Variants in SLC4A8 observed in about 807,000 individuals in gnomAD.
SLC4A8 encodes solute carrier family 4 member 8.
Under a neutral mutation model 125.0 loss-of-function variants are expected in SLC4A8, and 40 were observed. The observed-to-expected ratio is 0.32, with a 90% CI of 0.25 to 0.42. The LOEUF is 0.42. Among genes scored for constraint, SLC4A8 ranks in the 10% least tolerant of loss-of-function variants. The pLI, the probability that SLC4A8 is intolerant of heterozygous loss-of-function variation, is 1.00. For synonymous variants in SLC4A8, 456 were observed against 476.0 expected (o/e 0.96, Z 0.55); for missense variants, 863 against 1,355.1 (o/e 0.64, Z 5.70).
rs781512173 is a variant in SLC4A8 at position 51,503,997 on chromosome 12, C to G, written c.3082-32C>G. 5 of 1,309,702 alleles carry G rather than the reference C, an allele frequency of 3.8e-6. No individual in the cohort carries two copies. The South Asian group carries it at 3.8e-5, about 10-fold the overall frequency. The allele number at this position is 1,309,702 out of a possible 1,614,324, so 81.1% of individuals were successfully genotyped here. A position where few individuals can be genotyped will look rare whatever the true frequency, so the allele number is the denominator to read the frequency against. On this transcript the variant is annotated intron_variant, in intron 22 of 24. Transcript: ENST00000453097. Reference sequence around the variant, plus strand: ...TGGTGAACTTATGGTCTTACTTGGTCCAAGATATAATAATGTTTCTTTTTC... The same window carrying G: ...TGGTGAACTTATGGTCTTACTTGGTGCAAGATATAATAATGTTTCTTTTTC...
chr12:51,471,178 A>G (rs1592240591), intron 13 of SLC4A8, 109 bp from the exon 14 acceptor site: 1 of 1,005,114 alleles, frequency 9.9e-7, no homozygotes, highest in East Asian at 2.4e-5. Flanking sequence ...ATTAGGGATA[A>G]ACTGGGTTCC....
At chr12:51,478,943 C>A (rs1480820474) in intron 16 of SLC4A8, among the ~76,000 whole-genome samples, 1 of 151,702 alleles carries the variant, frequency 6.6e-6, no homozygotes, top group African/African-American at 2.4e-5. Context: ...CCCTGTGCCT[C>A]ATCTGCACAA....
At chr12:51,480,607 A>T in intron 16 of SLC4A8, 8 of 985,466 alleles carry the variant, frequency 8.1e-6, no homozygotes, top group Non-Finnish European at 9.6e-6. Context: ...TTTGGAAAAC[A>T]TAATGTGTCA....
chr12:51,467,056 G>A (rs1235081968), intron 11 of SLC4A8, among the ~76,000 whole-genome samples: 1 of 152,088 alleles, frequency 6.6e-6, no homozygotes, highest in Non-Finnish European at 1.5e-5. Flanking sequence ...GACTGGTAAT[G>A]AAGAGGTAAT....
chr12:51,474,456 G>A lies in SLC4A8; in HGVS notation c.2010+9G>A, dbSNP rs535353635. ...CTAACCTGACTGTCAGTGTAAGTCT[G>A]GGAGCTGCCAGATGTCCTAGCATTG... On this transcript the variant is annotated intron_variant, in intron 15 of 24. Coordinates refer to ENST00000453097, the MANE Select transcript of SLC4A8 (RefSeq NM_001039960.3). The A allele has an allele frequency of 3.9e-4, 632 of 1,612,132 alleles. 7 individuals are homozygous for A. The South Asian group carries it at 6.6e-3, about 17-fold the overall frequency.
intron 9 of SLC4A8, 139 bp downstream of exon 9, chr12:51,461,430 T>C (rs1950320607): frequency 1.7e-6 from 1 of 588,026 alleles, no homozygotes; most frequent in South Asian, 2.2e-5. Context: ...AGGGTACTTC[T>C]CTGAGAGCCC....
intron 6 of SLC4A8, 128 bp from the exon 7 acceptor site, chr12:51,458,431 G>A (rs762993019): frequency 7.6e-5 from 50 of 662,084 alleles, no homozygotes; most frequent in Middle Eastern, 6.6e-4. Context: ...TCTTGACTTC[G>A]TAGTCATCTT....
intron 1 of SLC4A8, among the ~76,000 whole-genome samples, chr12:51,430,417 C>T (rs910434018): frequency 1.3e-5 from 2 of 152,036 alleles, no homozygotes; most frequent in African/African-American, 4.8e-5. Flanking sequence ...TAAATATTTG[C>T]TCATATTATT....
chr12:51,451,013 C>T lies in SLC4A8; in HGVS notation c.268C>T (p.Leu90=). ...ASQGEEGLEA[L]AHDTPSQRVQ... is the part of the protein sequence containing the mutation. The stretch of plus-strand genomic sequence containing the variant: ...CCAGGGGGAGGAAGGCCTGGAAGCC[C>T]TGGCCCACGGTAAGGGCCTTGGGAG... Residue 90 remains leucine (L), a synonymous_variant, in exon 3 of 25, where the codon CTG becomes TTG. Transcript: ENST00000453097. The T allele has an allele frequency of 2.0e-6, 3 of 1,524,510 alleles. No homozygotes were observed. Among genetic ancestry groups the T allele is most frequent in the Non-Finnish European group, 2.6e-6 (3 of 1,133,958 alleles). 94.4% of individuals were successfully genotyped at this position (1,524,510 alleles called of 1,614,324 possible).
chr12:51,391,930 G>A (rs1948126348), intron 1 of SLC4A8: 1 of 152,552 alleles, frequency 6.6e-6, no homozygotes, highest in African/African-American at 2.4e-5. Flanking sequence ...GCAGAGCCGC[G>A]GGCGGCGGGT....
intron 20 of SLC4A8, 126 bp downstream of exon 20, chr12:51,493,898 T>G: frequency 1.4e-6 from 1 of 718,486 alleles, no homozygotes; most frequent in Non-Finnish European, 2.5e-6. Context: ...GTCTTGCCAC[T>G]TAGGCTATTT....
intron 3 of SLC4A8, among the ~76,000 whole-genome samples, chr12:51,451,525 A>G (rs1299698965): frequency 1.3e-5 from 2 of 152,128 alleles, no homozygotes; most frequent in African/African-American, 4.8e-5. Context: ...AACTCTTAAT[A>G]TTTTTTCAAA....
At chr12:51,501,209 C>A (rs757178966) in intron 22 of SLC4A8, among the ~76,000 whole-genome samples, 20 of 152,206 alleles carry the variant, frequency 1.3e-4, no homozygotes, top group Non-Finnish European at 2.5e-4. Flanking sequence ...AGGTTTGTTA[C>A]ATGGGTGTAG....
intron 1 of SLC4A8, among the ~76,000 whole-genome samples, chr12:51,437,339 C>T (rs1416244820): frequency 6.6e-6 from 1 of 152,170 alleles, no homozygotes; most frequent in African/African-American, 2.4e-5. Flanking sequence ...TATTTGTCCC[C>T]ACCAAATATG....
chr12:51,447,025 TCTGC>T (rs943233144), intron 2 of SLC4A8, among the ~76,000 whole-genome samples: 6 of 142,988 alleles, frequency 4.2e-5, no homozygotes, highest in African/African-American at 7.5e-5. Context: ...GTGCTGGGAA[TCTGC>T]CTGCCTGCCT....
chr12:51,493,507 C>A (rs376304485), intron 19 of SLC4A8, among the ~76,000 whole-genome samples, 197 bp from the exon 20 acceptor site: 5 of 152,052 alleles, frequency 3.3e-5, no homozygotes, highest in Non-Finnish European at 7.4e-5. Flanking sequence ...ATTTCAGAAC[C>A]AAATGATTTT....
chr12:51,398,907 G>A (rs998495727), intron 1 of SLC4A8, among the ~76,000 whole-genome samples: 8 of 152,026 alleles, frequency 5.3e-5, no homozygotes, highest in Non-Finnish European at 8.8e-5. Flanking sequence ...GCGCAACCAC[G>A]CCCAACTAAT....
At chr12:51,484,352 T>C (rs1236194005) in intron 16 of SLC4A8, among the ~76,000 whole-genome samples, 1 of 152,126 alleles carries the variant, frequency 6.6e-6, no homozygotes. Context: ...GTATCTGTCA[T>C]CAGATAGGAA....
intron 23 of SLC4A8, among the ~76,000 whole-genome samples, chr12:51,504,614 G>C (rs1334164287): frequency 1.3e-5 from 2 of 152,142 alleles, no homozygotes; most frequent in Admixed American, 1.3e-4. Context: ...AAAAGGATGT[G>C]GTCTTTATTT....
Sources: gnomAD v4.1 joint callset for allele counts (sites outside exome capture counted in the v4.1 genomes callset) on GRCh38, gnomAD v4.1.1 for gene constraint, MANE v1.5 for transcripts, NCBI Gene and HGNC (gene_info 2026-07-23, HGNC 2026-07-21) for gene names.